Variants in PDGFD observed in about 807,000 individuals in gnomAD.
The protein encoded by PDGFD is platelet-derived growth factor D.
A neutral mutation model predicts 44.7 loss-of-function variants in PDGFD; 30 were observed. The ratio of observed to expected loss-of-function variants is 0.67; its 90% confidence interval spans 0.50 to 0.91. The LOEUF is 0.91. PDGFD is among the 40% of genes least tolerant of loss of function. PDGFD has a pLI of 0.00. For missense variants in PDGFD, 445 were observed against 457.8 expected, an observed-to-expected ratio of 0.97 and a Z score of 0.25; for synonymous variants, 173 against 168.4, an observed-to-expected ratio of 1.03 and a Z score of -0.21.
intron 1 of PDGFD, chr11:104,036,469 C>G: frequency 4.0e-6 from 1 of 247,378 alleles, no homozygotes; most frequent in Non-Finnish European, 7.9e-6. Flanking sequence ...GAAATCATTT[C>G]TTTCATATCA....
chr11:103,992,694 T>C (rs114553327), intron 3 of PDGFD, among the ~76,000 whole-genome samples: 1 of 152,332 alleles, frequency 6.6e-6, no homozygotes, highest in Non-Finnish European at 1.5e-5. Context: ...AACTGTGATA[T>C]AAGCATCAAT....
intron 1 of PDGFD, among the ~76,000 whole-genome samples, chr11:104,078,837 AAAG>A (rs1861004871): frequency 2.1e-5 from 1 of 48,636 alleles, no homozygotes; most frequent in South Asian, 7.0e-4. Flanking sequence ...ATGAGGGAAG[AAAG>A]ATTATACCAT....
intron 1 of PDGFD, among the ~76,000 whole-genome samples, chr11:104,084,787 A>ATATAAAATATATATTTTATAGTAT (rs1565330190): frequency 2.3e-5 from 3 of 133,108 alleles, no homozygotes; most frequent in African/African-American, 9.1e-5. Context: ...ACATAAAATA[A>ATATAAAATATATATTTTATAGTAT]TATAAAATAT....
intron 1 of PDGFD, among the ~76,000 whole-genome samples, chr11:104,113,954 T>C (rs2134454797): frequency 6.6e-6 from 1 of 152,230 alleles, no homozygotes; most frequent in African/African-American, 2.4e-5. Flanking sequence ...TTTGTTTTCT[T>C]ATTTTTGAGT....
intron 5 of PDGFD, among the ~76,000 whole-genome samples, chr11:103,931,250 T>C (rs1348330710): frequency 6.6e-6 from 1 of 152,228 alleles, no homozygotes; most frequent in Non-Finnish European, 1.5e-5. Context: ...TGTGCCTTAC[T>C]GGGTCAAAAT....
intron 1 of PDGFD, among the ~76,000 whole-genome samples, chr11:104,101,741 G>A (rs943229117): frequency 6.6e-6 from 1 of 151,852 alleles, no homozygotes; most frequent in Non-Finnish European, 1.5e-5. Context: ...ATAGACCAAT[G>A]GAACAGAACA....
intron 5 of PDGFD, among the ~76,000 whole-genome samples, chr11:103,928,348 C>A (rs1460952991): frequency 6.6e-6 from 1 of 152,206 alleles, no homozygotes; most frequent in African/African-American, 2.4e-5. Flanking sequence ...CAGGCCACCA[C>A]AGAAGGAATC....
At chr11:104,043,666 C>CA (rs1860395084) in intron 1 of PDGFD, among the ~76,000 whole-genome samples, 1 of 152,184 alleles carries the variant, frequency 6.6e-6, no homozygotes, top group Non-Finnish European at 1.5e-5. Flanking sequence ...ATGACACCAG[C>CA]ATCTGCTTCT....
At chr11:104,018,308 G>A (rs1859891797) in intron 1 of PDGFD, among the ~76,000 whole-genome samples, 1 of 152,196 alleles carries the variant, frequency 6.6e-6, no homozygotes, top group African/African-American at 2.4e-5. Context: ...AGATGCTTCT[G>A]TGCACTTACA....
intron 1 of PDGFD, among the ~76,000 whole-genome samples, chr11:104,072,316 T>TG (rs1326686621): frequency 6.6e-6 from 1 of 151,902 alleles, no homozygotes; most frequent in Admixed American, 6.6e-5. Context: ...GCACATTCTT[T>TG]GTTAAATTTT....
chr11:104,125,126 A>C (rs1054223090), intron 1 of PDGFD, among the ~76,000 whole-genome samples: 5 of 152,160 alleles, frequency 3.3e-5, no homozygotes, highest in African/African-American at 1.2e-4. Context: ...TCATAATGGA[A>C]GAGAAAGACT....
intron 1 of PDGFD, among the ~76,000 whole-genome samples, chr11:104,089,354 T>TA (rs1420743619): frequency 6.6e-6 from 1 of 152,190 alleles, no homozygotes; most frequent in African/African-American, 2.4e-5. Context: ...AGGAGGCAGT[T>TA]ACTGTATTAC....
intron 1 of PDGFD, among the ~76,000 whole-genome samples, chr11:104,003,604 T>A (rs535950136): frequency 4.6e-4 from 70 of 152,330 alleles, no homozygotes; most frequent in African/African-American, 1.7e-3. Flanking sequence ...CTGGGCTCAG[T>A]GTGGTATTAT....
At chr11:104,038,746 T>C (rs1168163274) in intron 1 of PDGFD, 2 of 167,178 alleles carry the variant, frequency 1.2e-5, no homozygotes. Context: ...GGCAATAAAT[T>C]AGATTTTTTA....
intron 3 of PDGFD, among the ~76,000 whole-genome samples, chr11:103,952,744 G>C (rs1432496786): frequency 6.6e-6 from 1 of 152,044 alleles, no homozygotes; most frequent in African/African-American, 2.4e-5. Flanking sequence ...AATCTGCATT[G>C]CCTTAATTAA....
chr11:104,113,520 A>G (rs1339934264), intron 1 of PDGFD, among the ~76,000 whole-genome samples: 2 of 152,040 alleles, frequency 1.3e-5, no homozygotes, highest in South Asian at 2.1e-4. Flanking sequence ...CTATGTACAC[A>G]AGGATATCTT....
intron 2 of PDGFD, among the ~76,000 whole-genome samples, chr11:103,997,229 C>A (rs749760198): frequency 5.9e-5 from 9 of 152,130 alleles, no homozygotes; most frequent in Non-Finnish European, 1.2e-4. Flanking sequence ...AGGTCACAGG[C>A]AAATGATGGG....
intron 3 of PDGFD, among the ~76,000 whole-genome samples, chr11:103,962,277 G>T (rs953380827): frequency 2.0e-5 from 3 of 152,010 alleles, no homozygotes; most frequent in Non-Finnish European, 4.4e-5. Context: ...CCCTCAGCAG[G>T]GTACAAAATT....
chr11:104,133,745 G>A (rs1591180880), intron 1 of PDGFD, among the ~76,000 whole-genome samples: 2 of 152,160 alleles, frequency 1.3e-5, no homozygotes, highest in South Asian at 4.1e-4. Context: ...AGGCTCGTGA[G>A]GGCAAGAGTA....
Sources: allele counts gnomAD v4.1 joint callset (sites outside exome capture counted in the v4.1 genomes callset), GRCh38; gene constraint gnomAD v4.1.1; transcripts MANE v1.5; gene names NCBI Gene and HGNC (gene_info 2026-07-23, HGNC 2026-07-21).